The following MCF2L2 variants were observed in gnomAD, a reference collection of about 807,000 sequenced individuals.
MCF2L2 encodes the protein probable guanine nucleotide exchange factor MCF2L2.
In MCF2L2, 102 loss-of-function variants were observed where a neutral mutation model predicts 150.2. The observed-to-expected ratio is 0.68, with a 90% confidence interval of 0.58 to 0.80. The LOEUF is 0.80. Among genes scored for constraint, MCF2L2 ranks in the 30% least tolerant of loss-of-function variants. MCF2L2 has a pLI of 0.00. For missense variants in MCF2L2, 1,256 were observed against 1,372.8 expected, an observed-to-expected ratio of 0.91 and a Z score of 1.34; for synonymous variants, 465 against 491.3, an observed-to-expected ratio of 0.95 and a Z score of 0.71.
At chr3:183,230,865 C>G (rs1396717034) in intron 16 of MCF2L2, 86 bp downstream of exon 16, 1 of 1,022,688 alleles carries the variant, frequency 9.8e-7, no homozygotes, top group Non-Finnish European at 1.5e-6. Flanking sequence ...CTGGAGACTT[C>G]TGGCAACTAT....
chr3:183,273,950 C>A (rs1727002914), intron 15 of MCF2L2, among the ~76,000 whole-genome samples: 1 of 152,168 alleles, frequency 6.6e-6, no homozygotes, highest in Non-Finnish European at 1.5e-5. Flanking sequence ...CGCCATGGCT[C>A]ACGCCTGTAA....
chr3:183,309,466 A>C (rs1210675905), intron 10 of MCF2L2, among the ~76,000 whole-genome samples: 1 of 152,088 alleles, frequency 6.6e-6, no homozygotes, highest in Admixed American at 6.6e-5. Flanking sequence ...GGGCTGGTCC[A>C]GAGTCCTCAC....
At chr3:183,352,002 T>C (rs1396018037) in intron 3 of MCF2L2, among the ~76,000 whole-genome samples, 1 of 152,204 alleles carries the variant, frequency 6.6e-6, no homozygotes, top group Non-Finnish European at 1.5e-5. Context: ...TGAATTGGGT[T>C]GATCATTTTT....
chr3:183,357,925 A>G (rs908581940), intron 3 of MCF2L2, among the ~76,000 whole-genome samples: 1 of 152,150 alleles, frequency 6.6e-6, no homozygotes, highest in Non-Finnish European at 1.5e-5. Flanking sequence ...ATGTTTATCT[A>G]TAGCACAGAA....
Position 183,219,919 on chromosome 3 carries a change from C to G in MCF2L2, c.2307G>C (p.Leu769=), listed in dbSNP as rs112196761. 1 of 1,612,486 alleles carries G rather than the reference C, an allele frequency of 6.2e-7. No homozygotes were observed. The highest frequency in any genetic ancestry group is 8.5e-7 in the Non-Finnish European group (1 of 1,178,894). Residue 769 remains leucine (L), a synonymous_variant, in exon 21 of 30, where the codon CTG becomes CTC. Transcript: ENST00000328913. ...TATCTTCAGGAGACTCGAAATCCAG[C>G]AGACCCTGCATTAACCCAAAAGTCT... The part of the protein sequence containing the change: ...LIKYQMLLKG[L]LDFESPEDME...
intron 2 of MCF2L2, among the ~76,000 whole-genome samples, chr3:183,383,572 C>G (rs893950272): frequency 2.6e-5 from 4 of 151,974 alleles, no homozygotes; most frequent in Non-Finnish European, 5.9e-5. Context: ...TAAAGTCACT[C>G]CAGGTATCTG....
chr3:183,267,517 CA>C lies in MCF2L2; in HGVS notation c.1862+9354del, dbSNP rs925983657. On this transcript the variant is annotated intron_variant, in intron 15 of 29. Coordinates refer to ENST00000328913, the MANE Select transcript of MCF2L2 (RefSeq NM_015078.4). The surrounding 1 kb of genome is among the most constrained non-coding windows in gnomAD (Gnocchi z 5.5). ...TCAGTGTGTACAGTTGGTTTTCTAT[CA>C]GGGGTCAACCGGCGGGGGGACTTGA... Among the ~76,000 whole-genome samples the C allele has an allele frequency of 1.3e-5, 2 of 152,210 alleles. No individual in the cohort carries two copies. The highest frequency in any genetic ancestry group is 4.8e-5 in the African/African-American group (2 of 41,458).
chr3:183,418,906 C>A (rs193057410), intron 1 of MCF2L2, among the ~76,000 whole-genome samples: 1 of 152,334 alleles, frequency 6.6e-6, no homozygotes, highest in Admixed American at 6.5e-5. Context: ...AGGATGGTGG[C>A]CCTCTTCTCA....
intron 5 of MCF2L2, among the ~76,000 whole-genome samples, chr3:183,338,281 T>C (rs1730565794): frequency 6.6e-6 from 1 of 151,816 alleles, no homozygotes; most frequent in Admixed American, 6.6e-5. Context: ...ACCCCGTCTC[T>C]ACTAAAAATA....
chr3:183,284,268 T>C (rs1480831757), intron 14 of MCF2L2, among the ~76,000 whole-genome samples: 2 of 152,202 alleles, frequency 1.3e-5, no homozygotes, highest in Non-Finnish European at 2.9e-5. Context: ...GACCCTATAC[T>C]AGCCTGAGAA....
At chr3:183,421,940 A>C (rs1334659087) in intron 1 of MCF2L2, among the ~76,000 whole-genome samples, 1 of 152,106 alleles carries the variant, frequency 6.6e-6, no homozygotes, top group East Asian at 1.9e-4. Context: ...TGTGGGTTTA[A>C]CAGAGTTGTA....
At chr3:183,379,888 T>C (rs1713416027) in intron 2 of MCF2L2, among the ~76,000 whole-genome samples, 1 of 151,598 alleles carries the variant, frequency 6.6e-6, no homozygotes, top group Non-Finnish European at 1.5e-5. Context: ...CATATATATG[T>C]ATGTATATAT....
chr3:183,324,822 T>TA (rs1050801289), intron 5 of MCF2L2, among the ~76,000 whole-genome samples: 2 of 151,626 alleles, frequency 1.3e-5, no homozygotes, highest in African/African-American at 4.8e-5. Context: ...ATTGAACTAC[T>TA]AAAAAAAAGT....
At chr3:183,317,654 T>C (rs943647250) in intron 7 of MCF2L2, among the ~76,000 whole-genome samples, 1 of 151,816 alleles carries the variant, frequency 6.6e-6, no homozygotes, top group African/African-American at 2.4e-5. Context: ...GGAAAGCTTA[T>C]ACTTCAAAAG....
chr3:183,243,220 G>C (rs1724108123), intron 15 of MCF2L2, among the ~76,000 whole-genome samples: 1 of 152,304 alleles, frequency 6.6e-6, no homozygotes, highest in East Asian at 1.9e-4. Context: ...TGTTGGGAAG[G>C]CATGATTTGT....
chr3:183,394,312 C>T (rs1714325242), intron 1 of MCF2L2, among the ~76,000 whole-genome samples: 1 of 152,254 alleles, frequency 6.6e-6, no homozygotes, highest in South Asian at 2.1e-4. Flanking sequence ...TGGACACTAA[C>T]TTTGCACGTC....
At chr3:183,188,806 A>G (rs1049738387) in intron 27 of MCF2L2, among the ~76,000 whole-genome samples, 2 of 152,110 alleles carry the variant, frequency 1.3e-5, no homozygotes, top group Admixed American at 1.3e-4. Context: ...TGTCTCCTCT[A>G]CTAAAAATTC....
chr3:183,224,474 T>G (rs1576937193), intron 18 of MCF2L2: 1 of 282,640 alleles, frequency 3.5e-6, no homozygotes, highest in Non-Finnish European at 6.7e-6. Flanking sequence ...CAGGAATTGG[T>G]TTTTATCTTT....
chr3:183,239,617 A>G (rs1723919675), intron 15 of MCF2L2, among the ~76,000 whole-genome samples: 1 of 150,130 alleles, frequency 6.7e-6, no homozygotes, highest in Non-Finnish European at 1.5e-5. Flanking sequence ...CAGTTCTCCA[A>G]TAGGGATCCA....
Sources: allele counts gnomAD v4.1 joint callset (sites outside exome capture counted in the v4.1 genomes callset), GRCh38; gene constraint gnomAD v4.1.1; non-coding constraint Gnocchi (gnomAD v3.1); transcripts MANE v1.5; gene names NCBI Gene and HGNC (gene_info 2026-07-23, HGNC 2026-07-21).